ATP8A2: variants seen among roughly 807,000 people sequenced by gnomAD.
The protein encoded by ATP8A2 is phospholipid-transporting ATPase IB.
A neutral mutation model predicts 165.6 loss-of-function variants in ATP8A2; 100 were observed. That is an observed-to-expected ratio of 0.60 (90% confidence interval 0.51 to 0.71). The LOEUF is 0.71. Among genes scored for constraint, ATP8A2 ranks in the 30% least tolerant of loss-of-function variants. The pLI, the probability that ATP8A2 is intolerant of heterozygous loss-of-function variation, is 0.00. For synonymous variants in ATP8A2, 543 were observed against 548.8 expected (o/e 0.99, Z 0.15); for missense variants, 1,227 against 1,479.5 (o/e 0.83, Z 2.80).
rs143205364 is a variant in ATP8A2, at chr13:25,908,486, G to T, written c.3183+46078G>T. 1.6e-4 allele frequency among the ~76,000 whole-genome samples: 24 copies of T among 152,324 alleles called. No individual in the cohort carries two copies. The East Asian group carries it at 4.4e-3, about 28-fold the overall frequency. On this transcript the variant is annotated intron_variant, in intron 33 of 36. Transcript: ENST00000381655. Reference sequence around the variant, plus strand: ...GAGATTGTTCTTCCTATTTAGAATAGACCAGGGTGTCCACAAGGCCTCAGG... The same window carrying T: ...GAGATTGTTCTTCCTATTTAGAATATACCAGGGTGTCCACAAGGCCTCAGG...
chr13:25,956,675 C>G (rs867224129), intron 33 of ATP8A2, among the ~76,000 whole-genome samples: 11 of 152,248 alleles, frequency 7.2e-5, no homozygotes, highest in Middle Eastern at 3.4e-3. Context: ...GAATCAATAT[C>G]ATGAAAATGG....
chr13:25,531,253 GATAT>G (rs1276063259), intron 4 of ATP8A2, among the ~76,000 whole-genome samples: 1 of 18,882 alleles, frequency 5.3e-5, no homozygotes, highest in African/African-American at 1.7e-4. Context: ...TGTTATATAT[GATAT>G]ATATGATATA....
At chr13:25,839,149 GA>G (rs1160786849) in intron 29 of ATP8A2, among the ~76,000 whole-genome samples, 1 of 152,074 alleles carries the variant, frequency 6.6e-6, no homozygotes, top group East Asian at 1.9e-4. Flanking sequence ...TTGTTAAGAA[GA>G]GACACAGTTT....
At chr13:25,657,545 C>G (rs2041960580) in intron 24 of ATP8A2, among the ~76,000 whole-genome samples, 1 of 152,162 alleles carries the variant, frequency 6.6e-6, no homozygotes. Flanking sequence ...TCCAGAACTC[C>G]TGATTTTTCA....
chr13:25,642,304 T>A (rs1009639661), intron 24 of ATP8A2, among the ~76,000 whole-genome samples: 2 of 151,966 alleles, frequency 1.3e-5, no homozygotes, highest in Non-Finnish European at 2.9e-5. Context: ...ACCATCAGAG[T>A]GAACAGGCAA....
chr13:25,664,876 C>A (rs898852675), intron 24 of ATP8A2, among the ~76,000 whole-genome samples: 1 of 149,666 alleles, frequency 6.7e-6, no homozygotes, highest in African/African-American at 2.5e-5. Context: ...TGCGAGAGAG[C>A]TTTAACTAAA....
At chr13:26,003,664 T>C (rs1247209161) in intron 35 of ATP8A2, among the ~76,000 whole-genome samples, 1 of 152,176 alleles carries the variant, frequency 6.6e-6, no homozygotes, top group Non-Finnish European at 1.5e-5. Flanking sequence ...CTCGTATATA[T>C]AAGTCTTTAA....
At chr13:25,641,782 G>C (rs1343005991) in intron 24 of ATP8A2, among the ~76,000 whole-genome samples, 1 of 151,882 alleles carries the variant, frequency 6.6e-6, no homozygotes, top group South Asian at 2.1e-4. Context: ...CCAAAAAAGA[G>C]CCTGCATTGC....
intron 16 of ATP8A2, 87 bp from the exon 17 acceptor site, chr13:25,570,680 T>C: frequency 9.7e-7 from 1 of 1,028,298 alleles, no homozygotes; most frequent in Non-Finnish European, 1.5e-6. Flanking sequence ...ATAGGATGAC[T>C]GGATGTTAGT....
At chr13:25,793,860 C>T (rs2138419390) in intron 27 of ATP8A2, among the ~76,000 whole-genome samples, 1 of 152,224 alleles carries the variant, frequency 6.6e-6, no homozygotes, top group South Asian at 2.1e-4. Context: ...AATCTTTTTA[C>T]TTTTAAAAAC....
intron 33 of ATP8A2, among the ~76,000 whole-genome samples, chr13:25,877,295 G>A (rs553719618): frequency 2.6e-5 from 4 of 152,280 alleles, no homozygotes; most frequent in African/African-American, 9.6e-5. Flanking sequence ...CTAGAGTTAG[G>A]AGTTGTCCAG....
At chr13:25,635,721 C>T (rs1455467495) in intron 24 of ATP8A2, among the ~76,000 whole-genome samples, 1 of 152,146 alleles carries the variant, frequency 6.6e-6, no homozygotes, top group African/African-American at 2.4e-5. Flanking sequence ...AAGATTTCCT[C>T]TGTGCAAAAA....
At chr13:25,703,111 C>T (rs922309020) in intron 25 of ATP8A2, among the ~76,000 whole-genome samples, 3 of 152,160 alleles carry the variant, frequency 2.0e-5, no homozygotes, top group Admixed American at 1.3e-4. Flanking sequence ...GACAGAGACT[C>T]GCTCTGTTGC....
At chr13:25,987,234 A>G (rs1242354756) in intron 35 of ATP8A2, among the ~76,000 whole-genome samples, 5 of 152,168 alleles carry the variant, frequency 3.3e-5, no homozygotes, top group Non-Finnish European at 7.3e-5. Flanking sequence ...CTTTTCACTG[A>G]CTGTGAGGTA....
chr13:25,840,777 A>G (rs1471691260), intron 30 of ATP8A2, among the ~76,000 whole-genome samples: 3 of 152,232 alleles, frequency 2.0e-5, no homozygotes, highest in Non-Finnish European at 4.4e-5. Flanking sequence ...TTTTGGTGAC[A>G]GACTCAGCCA....
At chr13:25,969,359 A>G (rs1010248679) in intron 35 of ATP8A2, among the ~76,000 whole-genome samples, 5 of 152,170 alleles carry the variant, frequency 3.3e-5, no homozygotes, top group African/African-American at 9.6e-5. Flanking sequence ...CATCAAGGGA[A>G]ATTTCTTTGG....
At chr13:25,734,758 CCTCCTAAGTAG>C (rs1392010778) in intron 25 of ATP8A2, among the ~76,000 whole-genome samples, 1 of 152,170 alleles carries the variant, frequency 6.6e-6, no homozygotes, top group Non-Finnish European at 1.5e-5. Flanking sequence ...CCTGCCTCAG[CCTCCTAAGTAG>C]CTGAGATTAC....
intron 33 of ATP8A2, among the ~76,000 whole-genome samples, chr13:25,914,295 A>AT (rs1954204477): frequency 6.6e-6 from 1 of 152,186 alleles, no homozygotes; most frequent in South Asian, 2.1e-4. Flanking sequence ...TGTATTAAAT[A>AT]TTAATATAAA....
intron 10 of ATP8A2, among the ~76,000 whole-genome samples, chr13:25,550,024 G>A (rs772777586): frequency 1.3e-5 from 2 of 152,272 alleles, no homozygotes; most frequent in Non-Finnish European, 2.9e-5. Context: ...GCACACTCAG[G>A]TCAGGCATGG....
Sources: allele counts gnomAD v4.1 joint callset (sites outside exome capture counted in the v4.1 genomes callset), GRCh38; gene constraint gnomAD v4.1.1; transcripts MANE v1.5; gene names NCBI Gene and HGNC (gene_info 2026-07-23, HGNC 2026-07-21).